HCN1: variants seen among roughly 807,000 people sequenced by gnomAD.
The protein encoded by HCN1 is potassium/sodium hyperpolarization-activated cyclic nucleotide-gated channel 1.
A neutral mutation model predicts 78.9 loss-of-function variants in HCN1; 13 were observed. The ratio of observed to expected loss-of-function variants is 0.16; its 90% CI spans 0.11 to 0.26. The LOEUF (loss-of-function observed/expected upper bound fraction) is 0.26. Among genes scored for constraint, HCN1 ranks in the 10% least tolerant of loss-of-function variants. HCN1 has a pLI of 1.00. For synonymous variants in HCN1, 552 were observed against 455.5 expected (o/e 1.21, Z -2.70); for missense variants, 810 against 1,154.3 (o/e 0.70, Z 4.32).
intron 4 of HCN1, among the ~76,000 whole-genome samples, chr5:45,392,504 C>T (rs547379852): frequency 1.3e-5 from 2 of 152,120 alleles, no homozygotes; most frequent in East Asian, 3.9e-4. Context: ...AGAGTACTTA[C>T]ATTAAACTTT....
intron 3 of HCN1, among the ~76,000 whole-genome samples, chr5:45,436,746 T>TG (rs1417580161): frequency 2.6e-5 from 4 of 152,218 alleles, no homozygotes; most frequent in African/African-American, 9.6e-5. Flanking sequence ...ACCACACCCG[T>TG]ACTTTGGGCC....
chr5:45,340,847 C>A (rs796557361), intron 5 of HCN1, among the ~76,000 whole-genome samples: 14 of 152,202 alleles, frequency 9.2e-5, no homozygotes, highest in African/African-American at 3.1e-4. Flanking sequence ...TCTCTCAGAG[C>A]GATATGAATT....
chr5:45,577,242 G>GCAT lies in HCN1; in HGVS notation c.849+67940_849+67942dup, dbSNP rs1743965687. ...AAAACACATGGAAATAATATTAATA[G>GCAT]CATCATGAATTACATATGCATCAAT... On this transcript the variant is annotated intron_variant, in intron 2 of 7. Coordinates refer to ENST00000303230, the MANE Select transcript of HCN1 (RefSeq NM_021072.4). Among the ~76,000 whole-genome samples, 5 of 151,936 alleles carry GCAT rather than the reference G, an allele frequency of 3.3e-5. 1 individual carries two copies. The South Asian group carries it at 1.0e-3, about 32-fold the overall frequency.
Position 45,255,787 on chromosome 5 carries a change from C to T in HCN1, c.*6134G>A, listed in dbSNP as rs957249453. On this transcript the variant is annotated 3_prime_UTR_variant, in exon 8 of 8. Transcript: ENST00000303230. ...TCTTTCCTTTCTCAGGAGTTTTCCT[C>T]ACAAATTTAACAGGAAATAAAAACC... The T allele has an allele frequency of 2.6e-5, 4 of 152,116 alleles. No homozygotes were observed. The highest frequency in any genetic ancestry group is 9.7e-5 in the African/African-American group (4 of 41,422). 9.4% of individuals were successfully genotyped at this position (152,116 alleles called of 1,614,324 possible).
intron 3 of HCN1, among the ~76,000 whole-genome samples, chr5:45,411,389 G>A (rs1445481918): frequency 6.6e-6 from 1 of 150,674 alleles, no homozygotes; most frequent in Non-Finnish European, 1.5e-5. Context: ...CCAGTTACAA[G>A]ACTAAACCAA....
chr5:45,498,126 T>C (rs997583221), intron 2 of HCN1, among the ~76,000 whole-genome samples: 1 of 152,200 alleles, frequency 6.6e-6, no homozygotes, highest in South Asian at 2.1e-4. Context: ...AATCTGAATG[T>C]TGGCCTGCCT....
At chr5:45,347,104 G>A (rs984863935) in intron 5 of HCN1, among the ~76,000 whole-genome samples, 11 of 152,192 alleles carry the variant, frequency 7.2e-5, no homozygotes, top group African/African-American at 1.7e-4. Context: ...CAGCCTAACT[G>A]GGAGGCACCT....
chr5:45,296,635 T>C (rs1022063419), intron 6 of HCN1, among the ~76,000 whole-genome samples: 1 of 151,752 alleles, frequency 6.6e-6, no homozygotes, highest in Non-Finnish European at 1.5e-5. Context: ...TAGAAATCAA[T>C]AAAAATGAAA....
At chr5:45,322,454 G>A (rs9885523) in intron 5 of HCN1, among the ~76,000 whole-genome samples, 1 of 151,548 alleles carries the variant, frequency 6.6e-6, no homozygotes, top group African/African-American at 2.4e-5. Context: ...GGTTGAGAAT[G>A]TCTTATGTGA....
At chr5:45,679,916 A>C (rs1739673480) in intron 1 of HCN1, among the ~76,000 whole-genome samples, 3 of 152,012 alleles carry the variant, frequency 2.0e-5, no homozygotes, top group Admixed American at 2.0e-4. Flanking sequence ...GAGCTCTCAT[A>C]ATTAGGGCTG....
Position 45,321,418 on chromosome 5 carries a change from T to A in HCN1, c.1378-17579A>T, listed in dbSNP as rs376101298. ...TATTGCCAAGGCTACAGAGCTAGAATATGTGTAGAGAAAACTAACTGTGCT... is the reference window on the plus strand; with the variant it reads ...TATTGCCAAGGCTACAGAGCTAGAAAATGTGTAGAGAAAACTAACTGTGCT... On this transcript the variant is annotated intron_variant, in intron 5 of 7. Transcript: ENST00000303230. Among the ~76,000 whole-genome samples the A allele has an allele frequency of 6.0e-5, 9 of 151,130 alleles. No individual in the cohort carries two copies. In the East Asian group the frequency reaches 1.2e-3, roughly 20 times the overall value.
At chr5:45,332,683 T>C (rs1746369635) in intron 5 of HCN1, among the ~76,000 whole-genome samples, 1 of 151,632 alleles carries the variant, frequency 6.6e-6, no homozygotes, top group South Asian at 2.1e-4. Context: ...CTCCCTACCT[T>C]CAATGAGTTC....
intron 6 of HCN1, among the ~76,000 whole-genome samples, chr5:45,280,662 C>A (rs987985054): frequency 1.3e-5 from 2 of 152,144 alleles, no homozygotes; most frequent in Non-Finnish European, 2.9e-5. Context: ...TCTAATAATC[C>A]AAGGTGCCAA....
At chr5:45,411,405 A>T (rs1740018017) in intron 3 of HCN1, among the ~76,000 whole-genome samples, 1 of 151,098 alleles carries the variant, frequency 6.6e-6, no homozygotes, top group South Asian at 2.1e-4. Flanking sequence ...ACCAATGGTG[A>T]TTCAGGCGTA....
At position 45,332,460 on chromosome 5, in the gene HCN1, T is replaced by C. The variant is rs761276777; in HGVS notation, c.1377+20640A>G. ...TTTCTATTTTTTTTTTTCGTACCCA[T>C]TAACCATCCTCACCTTCCCCCAACT... On this transcript the variant is annotated intron_variant, in intron 5 of 7. Coordinates refer to ENST00000303230, the MANE Select transcript of HCN1 (RefSeq NM_021072.4). Among the ~76,000 whole-genome samples, 39 of 151,126 alleles carry C rather than the reference T, an allele frequency of 2.6e-4. 1 individual carries two copies. The highest frequency in any genetic ancestry group is 2.3e-3 in the Admixed American group (34 of 15,082).
At chr5:45,632,771 A>G (rs1745290742) in intron 2 of HCN1, among the ~76,000 whole-genome samples, 1 of 152,024 alleles carries the variant, frequency 6.6e-6, no homozygotes, top group South Asian at 2.1e-4. Flanking sequence ...CAATACATGG[A>G]TTCTCTGACA....
chr5:45,397,628 GA>G lies in HCN1; in HGVS notation c.1012-919del, dbSNP rs923707584. On this transcript the variant is annotated intron_variant, in intron 3 of 7. Transcript: ENST00000303230. ...GAGGGGGCTCTGGTTCAAAATGCGG[GA>G]AAAAAACTTATTAAATATAATAAAA... 2.0e-4 allele frequency among the ~76,000 whole-genome samples: 30 copies of G among 151,264 alleles called. No homozygotes were observed. The South Asian group carries it at 3.5e-3, about 18-fold the overall frequency.
At chr5:45,311,677 T>G (rs578249930) in intron 5 of HCN1, among the ~76,000 whole-genome samples, 1 of 152,340 alleles carries the variant, frequency 6.6e-6, no homozygotes, top group South Asian at 2.1e-4. Flanking sequence ...ATAAAAGTGT[T>G]GACTGAAGAA....
chr5:45,573,154 C>T (rs967538484), intron 2 of HCN1, among the ~76,000 whole-genome samples: 1 of 152,052 alleles, frequency 6.6e-6, no homozygotes, highest in African/African-American at 2.4e-5. Flanking sequence ...TGTCTCTATT[C>T]AAATTTCTTC....
Sources: gnomAD v4.1 joint callset for allele counts (sites outside exome capture counted in the v4.1 genomes callset) on GRCh38, gnomAD v4.1.1 for gene constraint, MANE v1.5 for transcripts, NCBI Gene and HGNC (gene_info 2026-07-23, HGNC 2026-07-21) for gene names.